PTPRG: variants seen among roughly 807,000 people sequenced by gnomAD.
The protein encoded by PTPRG is protein tyrosine phosphatase receptor type G, also known as receptor-type tyrosine-protein phosphatase gamma.
A neutral mutation model predicts 165.3 loss-of-function variants in PTPRG; 102 were observed. The ratio of observed to expected loss-of-function variants is 0.62; its 90% confidence interval spans 0.53 to 0.73. The LOEUF is 0.73. Among genes scored for constraint, PTPRG ranks in the 30% least tolerant of loss-of-function variants. The pLI, the probability that PTPRG is intolerant of heterozygous loss-of-function variation, is 0.00. For missense variants in PTPRG, 1,866 were observed against 1,861.4 expected (o/e 1.00, Z -0.05); for synonymous variants, 675 against 669.5 (o/e 1.01, Z -0.13).
intron 5 of PTPRG, among the ~76,000 whole-genome samples, chr3:62,120,007 C>G (rs1703006923): frequency 6.6e-6 from 1 of 152,108 alleles, no homozygotes. Flanking sequence ...ATCAAGGGAG[C>G]TTTTCAACAT....
At chr3:61,611,211 C>T (rs1701156757) in intron 1 of PTPRG, among the ~76,000 whole-genome samples, 1 of 152,202 alleles carries the variant, frequency 6.6e-6, no homozygotes, top group African/African-American at 2.4e-5. Context: ...TGGGCTTGAG[C>T]TCTGAAGGTA....
intron 2 of PTPRG, among the ~76,000 whole-genome samples, chr3:61,899,157 A>C (rs1179162543): frequency 6.6e-6 from 1 of 152,096 alleles, no homozygotes; most frequent in Non-Finnish European, 1.5e-5. Context: ...TGTGAAATGG[A>C]GACATCTCTC....
chr3:61,919,358 A>G (rs1191843840), intron 2 of PTPRG, among the ~76,000 whole-genome samples: 1 of 152,234 alleles, frequency 6.6e-6, no homozygotes, highest in African/African-American at 2.4e-5. Context: ...GAATGATCAC[A>G]TGGTGAGTCT....
chr3:61,812,514 C>T (rs371822403), intron 2 of PTPRG, among the ~76,000 whole-genome samples: 2 of 152,184 alleles, frequency 1.3e-5, no homozygotes, highest in Admixed American at 6.5e-5. Context: ...CACATACTGC[C>T]TCTATTTGTT....
intron 1 of PTPRG, among the ~76,000 whole-genome samples, chr3:61,733,473 A>G (rs1338505746): frequency 6.6e-6 from 1 of 152,214 alleles, no homozygotes; most frequent in East Asian, 1.9e-4. Context: ...TTTATCCCAG[A>G]AAGCTCTGGT....
At chr3:62,154,735 C>T (rs754388244) in intron 6 of PTPRG, among the ~76,000 whole-genome samples, 2 of 152,134 alleles carry the variant, frequency 1.3e-5, no homozygotes, top group African/African-American at 2.4e-5. Flanking sequence ...ATGTTGGACT[C>T]GGCTCTGAGG....
chr3:61,913,314 G>A (rs2038849340), intron 2 of PTPRG, among the ~76,000 whole-genome samples: 1 of 152,108 alleles, frequency 6.6e-6, no homozygotes, highest in African/African-American at 2.4e-5. Context: ...CCGCCTCCTG[G>A]GTTCATGCCA....
intron 1 of PTPRG, among the ~76,000 whole-genome samples, chr3:61,597,944 C>T (rs977784291): frequency 5.3e-5 from 8 of 152,116 alleles, no homozygotes; most frequent in African/African-American, 1.9e-4. Context: ...TTAAAGGGTA[C>T]AGTAGTTGCC....
At position 62,269,035 on chromosome 3, in the gene PTPRG, C is replaced by A. The variant is rs1028368537; in HGVS notation, c.2875C>A (p.Arg959=). 1.9e-6 allele frequency: 3 copies of A among 1,540,378 alleles called. No individual in the cohort carries two copies. Among genetic ancestry groups the A allele is most frequent in the South Asian group, 1.3e-5 (1 of 78,246 alleles). Reference sequence around the variant, plus strand: ...CTTTACAACTTTTTTCTTTCTGCAGCGAAAATGTGATCAGTATTGGCCAAC... The same window carrying A: ...CTTTACAACTTTTTTCTTTCTGCAGAGAAAATGTGATCAGTATTGGCCAAC... The part of the protein sequence containing the change: ...MITNLVEKGR[R]KCDQYWPTEN... The change falls in exon 20 of 30, where the codon CGA becomes AGA. Residue 959 remains arginine, a splice_region_variant and synonymous_variant. Coordinates refer to ENST00000474889, the MANE Select transcript of PTPRG (RefSeq NM_002841.4).
chr3:61,570,058 G>A (rs1700021236), intron 1 of PTPRG, among the ~76,000 whole-genome samples: 2 of 152,186 alleles, frequency 1.3e-5, no homozygotes, highest in Admixed American at 1.3e-4. Context: ...GGTAATGGAG[G>A]GAAATAGGTT....
intron 2 of PTPRG, among the ~76,000 whole-genome samples, chr3:61,755,189 G>T (rs1470108002): frequency 6.6e-6 from 1 of 152,130 alleles, no homozygotes; most frequent in Non-Finnish European, 1.5e-5. Context: ...TGTATTTTTA[G>T]TAGAGTTGGG....
At chr3:61,868,910 T>TG (rs1559658432) in intron 2 of PTPRG, among the ~76,000 whole-genome samples, 1 of 152,104 alleles carries the variant, frequency 6.6e-6, no homozygotes, top group African/African-American at 2.4e-5. Context: ...GGGTGTTTTT[T>TG]TTTTTTGAAG....
At chr3:61,950,740 C>G (rs1486998424) in intron 2 of PTPRG, among the ~76,000 whole-genome samples, 1 of 152,160 alleles carries the variant, frequency 6.6e-6, no homozygotes, top group Non-Finnish European at 1.5e-5. Context: ...TAGTATTTTA[C>G]CATGTTTATG....
chr3:61,674,486 C>CAAAAAAA (rs58334791), intron 1 of PTPRG, among the ~76,000 whole-genome samples: 3 of 57,986 alleles, frequency 5.2e-5, no homozygotes, highest in African/African-American at 7.3e-5. Context: ...GACTCCATCT[C>CAAAAAAA]AAAAAAAAAA....
At chr3:61,631,977 G>A (rs565657306) in intron 1 of PTPRG, among the ~76,000 whole-genome samples, 5 of 152,156 alleles carry the variant, frequency 3.3e-5, no homozygotes, top group Non-Finnish European at 7.3e-5. Flanking sequence ...CATATAGGGA[G>A]TGATCAATTC....
chr3:62,202,934 A>G (rs1700129494), intron 11 of PTPRG, among the ~76,000 whole-genome samples: 1 of 152,172 alleles, frequency 6.6e-6, no homozygotes, highest in Non-Finnish European at 1.5e-5. Flanking sequence ...GCTGAGTTTG[A>G]TCGACTAGTT....
chr3:62,101,995 C>T (rs1299097253), intron 5 of PTPRG, among the ~76,000 whole-genome samples: 1 of 152,000 alleles, frequency 6.6e-6, no homozygotes, highest in Admixed American at 6.6e-5. Flanking sequence ...TGAGAATGGA[C>T]TTTTTTTTCC....
chr3:62,091,815 G>T (rs1298018329), intron 5 of PTPRG, among the ~76,000 whole-genome samples: 1 of 151,900 alleles, frequency 6.6e-6, no homozygotes, highest in African/African-American at 2.4e-5. Context: ...AGTTGAGTGG[G>T]AGATGTTATT....
chr3:62,077,997 C>CAAAAAAAAA (rs56828286), intron 4 of PTPRG, among the ~76,000 whole-genome samples, 166 bp from the exon 5 acceptor site: 1 of 94,380 alleles, frequency 1.1e-5, no homozygotes, highest in African/African-American at 3.5e-5. Context: ...GACCTTATCT[C>CAAAAAAAAA]AAAAAAAAAA....
Sources: allele counts gnomAD v4.1 joint callset (sites outside exome capture counted in the v4.1 genomes callset), GRCh38; gene constraint gnomAD v4.1.1; transcripts MANE v1.5; gene names NCBI Gene and HGNC (gene_info 2026-07-23, HGNC 2026-07-21).